Variants in TMEM108 observed in about 807,000 individuals in gnomAD.
TMEM108 encodes cancer/testis antigen 124.
A neutral mutation model predicts 35.1 loss-of-function variants in TMEM108; 12 were observed. The observed-to-expected ratio is 0.34, with a 90% CI of 0.22 to 0.55. The LOEUF is 0.55. Among genes scored for constraint, TMEM108 ranks in the 20% least tolerant of loss-of-function variants. The pLI is 0.89. For missense variants in TMEM108, 680 were observed against 753.3 expected (o/e 0.90, Z 1.14); for synonymous variants, 287 against 308.6 (o/e 0.93, Z 0.73).
chr3:133,384,694 G>A (rs938173355), intron 4 of TMEM108, among the ~76,000 whole-genome samples: 1 of 152,192 alleles, frequency 6.6e-6, no homozygotes, highest in African/African-American at 2.4e-5. Flanking sequence ...AAGCCTCCAC[G>A]CCTGGCGCTG....
chr3:133,071,170 T>C (rs1943671608), intron 2 of TMEM108, among the ~76,000 whole-genome samples: 1 of 152,168 alleles, frequency 6.6e-6, no homozygotes, highest in Non-Finnish European at 1.5e-5. Context: ...CTCACTGTTT[T>C]AGTTTGCTAG....
At chr3:133,289,667 A>G (rs1042352658) in intron 3 of TMEM108, among the ~76,000 whole-genome samples, 1 of 152,212 alleles carries the variant, frequency 6.6e-6, no homozygotes, top group Non-Finnish European at 1.5e-5. Context: ...CCCTTTAGGT[A>G]TACATATCCC....
At chr3:133,354,547 A>G (rs1331926973) in intron 3 of TMEM108, among the ~76,000 whole-genome samples, 1 of 152,210 alleles carries the variant, frequency 6.6e-6, no homozygotes, top group Non-Finnish European at 1.5e-5. Flanking sequence ...CACCTCTGTG[A>G]ATTAGCATAA....
intron 2 of TMEM108, among the ~76,000 whole-genome samples, chr3:133,046,510 A>T: frequency 6.6e-6 from 1 of 152,224 alleles, no homozygotes; most frequent in East Asian, 1.9e-4. Flanking sequence ...GATTTGGTGT[A>T]TAATAGCACT....
intron 2 of TMEM108, among the ~76,000 whole-genome samples, chr3:133,071,627 T>A (rs1352937788): frequency 6.6e-6 from 1 of 152,224 alleles, no homozygotes; most frequent in Non-Finnish European, 1.5e-5. Context: ...TTGTTAGCCA[T>A]TTGTGTATTA....
chr3:133,300,934 A>T (rs1947213376), intron 3 of TMEM108, among the ~76,000 whole-genome samples: 1 of 101,636 alleles, frequency 9.8e-6, no homozygotes, highest in South Asian at 3.6e-4. Flanking sequence ...GCCACAGCGT[A>T]AGAATAAAGA....
intron 2 of TMEM108, among the ~76,000 whole-genome samples, chr3:133,162,723 A>C (rs1559852323): frequency 6.6e-6 from 1 of 152,202 alleles, no homozygotes; most frequent in African/African-American, 2.4e-5. Context: ...TCATTAATAC[A>C]CTGCTTCAAC....
At chr3:133,064,763 A>G (rs2107684652) in intron 2 of TMEM108, among the ~76,000 whole-genome samples, 1 of 151,314 alleles carries the variant, frequency 6.6e-6, no homozygotes, top group African/African-American at 2.4e-5. Context: ...CCAAAGGTAG[A>G]TTGAAGTAGG....
chr3:133,288,444 T>C (rs1947015460), intron 3 of TMEM108, among the ~76,000 whole-genome samples: 1 of 152,230 alleles, frequency 6.6e-6, no homozygotes, highest in Non-Finnish European at 1.5e-5. Flanking sequence ...ATCGGATGCC[T>C]TTAGAACATA....
Position 133,378,001 on chromosome 3 carries a change from C to G in TMEM108, c.41-1751C>G, listed in dbSNP as rs1445208940. Among the ~76,000 whole-genome samples the G allele has an allele frequency of 7.2e-5, 11 of 151,758 alleles. No homozygotes were observed. The South Asian group carries it at 1.7e-3, about 23-fold the overall frequency. On this transcript the variant is annotated intron_variant, in intron 3 of 5. Transcript: ENST00000321871. ...GTTTCATCCCAAAACCATACCCCCC[C>G]CGACCAACTCCAGTCCATGGAAAAA...
At chr3:133,120,997 T>A (rs889481581) in intron 2 of TMEM108, 10 of 152,360 alleles carry the variant, frequency 6.6e-5, no homozygotes, top group African/African-American at 2.2e-4. Context: ...ACTGTATCGA[T>A]ATGTTATCTC....
chr3:133,336,960 C>G lies in TMEM108; in HGVS notation c.41-42792C>G, dbSNP rs147317340. 1.9e-3 allele frequency among the ~76,000 whole-genome samples: 291 copies of G among 152,212 alleles called. 1 individual carries two copies. Among genetic ancestry groups the G allele is most frequent in the East Asian group, 6.0e-3 (31 of 5,152 alleles). On this transcript the variant is annotated intron_variant, in intron 3 of 5. Transcript: ENST00000321871. ...GTAGCGGCTGTGAGGTGAGGCTTCT[C>G]TCCCTGTGGAAAGGGGAGGAAAGAG... is the stretch of plus-strand genomic sequence containing the variant.
At chr3:133,204,619 C>G (rs186943493) in intron 2 of TMEM108, among the ~76,000 whole-genome samples, 1 of 152,062 alleles carries the variant, frequency 6.6e-6, no homozygotes, top group African/African-American at 2.4e-5. Context: ...TTTTGAATGA[C>G]TTTCTTAATA....
chr3:133,227,246 G>T (rs1228629387), intron 2 of TMEM108, among the ~76,000 whole-genome samples: 1 of 132,364 alleles, frequency 7.6e-6, no homozygotes, highest in Non-Finnish European at 1.6e-5. Flanking sequence ...AGGCTGGAGT[G>T]CAGTGGCGCA....
At chr3:133,075,519 T>G (rs1169280315) in intron 2 of TMEM108, among the ~76,000 whole-genome samples, 1 of 152,174 alleles carries the variant, frequency 6.6e-6, no homozygotes, top group Non-Finnish European at 1.5e-5. Flanking sequence ...ACAACCCTAC[T>G]GAATAGTAAT....
intron 2 of TMEM108, among the ~76,000 whole-genome samples, chr3:133,097,355 C>T (rs1406260492): frequency 6.6e-6 from 1 of 152,192 alleles, no homozygotes; most frequent in African/African-American, 2.4e-5. Flanking sequence ...TAACTGCTTT[C>T]TAATGTTTTA....
chr3:133,297,796 A>C (rs1294907493), intron 3 of TMEM108, among the ~76,000 whole-genome samples: 2 of 152,198 alleles, frequency 1.3e-5, no homozygotes, highest in Non-Finnish European at 2.9e-5. Flanking sequence ...GTTGCTTTAC[A>C]CTGCAGAACA....
chr3:133,040,206 G>GTT lies in TMEM108; in HGVS notation c.-166+1785_-166+1786dup, dbSNP rs375124979. 9.6e-3 allele frequency among the ~76,000 whole-genome samples: 1,241 copies of GTT among 129,878 alleles called. 13 individuals carry two copies. The highest frequency in any genetic ancestry group is 0.012 in the Non-Finnish European group (795 of 63,852). The allele number at this position is 129,878 out of a possible 152,430, so 85.2% of individuals were successfully genotyped here. On this transcript the variant is annotated intron_variant, in intron 1 of 5. Transcript: ENST00000321871. ...CACAGTTTTTTTTGTTTGTTTGTTT[G>GTT]TTTTTTTTTTTTTTTGAGACGGAGT...
At chr3:133,182,296 G>C (rs1945358685) in intron 2 of TMEM108, among the ~76,000 whole-genome samples, 1 of 152,156 alleles carries the variant, frequency 6.6e-6, no homozygotes, top group South Asian at 2.1e-4. Flanking sequence ...ATGAAATTTT[G>C]TTTTGATCTA....
Sources: allele counts gnomAD v4.1 joint callset (sites outside exome capture counted in the v4.1 genomes callset), GRCh38; gene constraint gnomAD v4.1.1; transcripts MANE v1.5; gene names NCBI Gene and HGNC (gene_info 2026-07-23, HGNC 2026-07-21).